The following MYO1D variants were observed in gnomAD, a reference collection of about 807,000 sequenced individuals.
MYO1D encodes the protein unconventional myosin-Id.
MYO1D carries 83 observed loss-of-function variants against 122.0 expected under a neutral mutation model. That is an observed-to-expected ratio of 0.68 (90% confidence interval 0.57 to 0.82). The LOEUF (loss-of-function observed/expected upper bound fraction) is 0.82, where lower values mean the gene tolerates loss of function less well. Among genes scored for constraint, MYO1D ranks in the 40% least tolerant of loss-of-function variants. The pLI is 0.00. For synonymous variants in MYO1D, 464 were observed against 446.9 expected, an observed-to-expected ratio of 1.04 and a Z score of -0.48; for missense variants, 1,157 against 1,269.5, an observed-to-expected ratio of 0.91 and a Z score of 1.35.
chr17:32,729,173 A>C (rs925509921), intron 14 of MYO1D, among the ~76,000 whole-genome samples: 4 of 151,166 alleles, frequency 2.6e-5, no homozygotes, highest in African/African-American at 9.9e-5. Context: ...TATATATTTT[A>C]CGGGAAAAAA....
chr17:32,687,153 T>C (rs2089025931), intron 16 of MYO1D, among the ~76,000 whole-genome samples: 1 of 151,458 alleles, frequency 6.6e-6, no homozygotes, highest in Non-Finnish European at 1.5e-5. Flanking sequence ...CCCAGCCTCC[T>C]GAGTAGCTAG....
rs147048194 is a variant in MYO1D at position 32,849,087 on chromosome 17, G to C, written c.95+27691C>G. 3.2e-3 allele frequency among the ~76,000 whole-genome samples: 491 copies of C among 152,208 alleles called. 3 individuals carry two copies. Among genetic ancestry groups the C allele is most frequent in the Non-Finnish European group, 5.0e-3 (343 of 68,008 alleles). On this transcript the variant is annotated intron_variant, in intron 1 of 21. Transcript: ENST00000318217. The stretch of plus-strand genomic sequence containing the variant: ...AAATGCTCATCATCACTGGCCATCA[G>C]AGAAATGCAAATCAAAACCACTATG...
intron 1 of MYO1D, among the ~76,000 whole-genome samples, chr17:32,876,381 G>A (rs1015621523): frequency 1.3e-5 from 2 of 152,178 alleles, no homozygotes; most frequent in African/African-American, 4.8e-5. Flanking sequence ...AGGGCCTTCG[G>A]GGCCACCGCA....
At chr17:32,588,980 A>C (rs147388941) in intron 21 of MYO1D, among the ~76,000 whole-genome samples, 435 of 145,990 alleles carry the variant, frequency 3.0e-3, no homozygotes, top group South Asian at 0.011. Flanking sequence ...CAAAAAAAAA[A>C]CCCACAAAAA....
chr17:32,587,512 CAA>C (rs576200395), intron 21 of MYO1D, among the ~76,000 whole-genome samples: 80 of 104,200 alleles, frequency 7.7e-4, no homozygotes, highest in South Asian at 2.5e-3. Context: ...AACTCCGTTT[CAA>C]AAAAAAAAAA....
intron 1 of MYO1D, among the ~76,000 whole-genome samples, chr17:32,818,268 T>C (rs553088875): frequency 3.3e-5 from 5 of 152,204 alleles, no homozygotes; most frequent in Middle Eastern, 3.4e-3. Context: ...AAACAAGTCT[T>C]AGTGATGCTT....
At chr17:32,637,899 G>C (rs1435517176) in intron 20 of MYO1D, among the ~76,000 whole-genome samples, 1 of 152,048 alleles carries the variant, frequency 6.6e-6, no homozygotes, top group Non-Finnish European at 1.5e-5. Flanking sequence ...CCCTGACTTA[G>C]CAAAATAAAA....
At chr17:32,735,122 A>ACG (rs1555535380) in intron 14 of MYO1D, among the ~76,000 whole-genome samples, 5 of 148,952 alleles carry the variant, frequency 3.4e-5, no homozygotes, top group Admixed American at 1.3e-4. Context: ...ACACACACAC[A>ACG]CGAACCCAAA....
At chr17:32,790,820 T>C (rs2090343096) in intron 1 of MYO1D, among the ~76,000 whole-genome samples, 1 of 152,098 alleles carries the variant, frequency 6.6e-6, no homozygotes, top group African/African-American at 2.4e-5. Context: ...ACACACACAT[T>C]TCCTAACTCT....
chr17:32,697,912 A>T (rs145853590), intron 16 of MYO1D, among the ~76,000 whole-genome samples: 2 of 152,346 alleles, frequency 1.3e-5, no homozygotes, highest in Admixed American at 6.5e-5. Context: ...TAGTTTTTCA[A>T]ACTTTTCAAT....
intron 21 of MYO1D, among the ~76,000 whole-genome samples, chr17:32,546,783 T>C (rs915445865): frequency 6.6e-6 from 1 of 152,172 alleles, no homozygotes; most frequent in African/African-American, 2.4e-5. Context: ...GTACTGCAAA[T>C]CAGTAATGCC....
At chr17:32,755,388 A>G (rs1194997525) in intron 11 of MYO1D, 104 bp downstream of exon 11, 3 of 1,210,246 alleles carry the variant, frequency 2.5e-6, no homozygotes, top group Non-Finnish European at 3.5e-6. Context: ...CTTTCTTATT[A>G]AAGGGGACAT....
chr17:32,701,491 A>G (rs759701096), intron 16 of MYO1D, among the ~76,000 whole-genome samples: 3 of 152,332 alleles, frequency 2.0e-5, no homozygotes, highest in Middle Eastern at 3.4e-3. Context: ...AAGCATCTTG[A>G]TATCTGTTGA....
At chr17:32,874,300 GTCTC>G (rs1023899905) in intron 1 of MYO1D, among the ~76,000 whole-genome samples, 2 of 37,538 alleles carry the variant, frequency 5.3e-5, no homozygotes, top group Non-Finnish European at 9.9e-5. Flanking sequence ...ATCTGTCTCT[GTCTC>G]TCTCTCTCTC....
chr17:32,508,138 G>A (rs972422615), intron 21 of MYO1D, among the ~76,000 whole-genome samples: 5 of 151,370 alleles, frequency 3.3e-5, no homozygotes, highest in African/African-American at 1.2e-4. Context: ...CTCATAATCT[G>A]CCCGCCTTGG....
At chr17:32,553,922 T>C (rs943821851) in intron 21 of MYO1D, among the ~76,000 whole-genome samples, 2 of 152,164 alleles carry the variant, frequency 1.3e-5, no homozygotes, top group Non-Finnish European at 2.9e-5. Context: ...CTGAACTATA[T>C]CCTTTTAAAA....
chr17:32,753,380 C>T (rs2089917256), intron 11 of MYO1D, among the ~76,000 whole-genome samples: 1 of 152,014 alleles, frequency 6.6e-6, no homozygotes, highest in Non-Finnish European at 1.5e-5. Context: ...GTACACCTCC[C>T]AGATCTAAAA....
chr17:32,806,866 C>A (rs141238975), intron 1 of MYO1D, among the ~76,000 whole-genome samples: 88 of 152,270 alleles, frequency 5.8e-4, no homozygotes, highest in South Asian at 4.4e-3. Flanking sequence ...CCAGCATATT[C>A]AGGAAAGGAG....
At chr17:32,794,550 T>C (rs979379362) in intron 1 of MYO1D, among the ~76,000 whole-genome samples, 8 of 151,962 alleles carry the variant, frequency 5.3e-5, no homozygotes, top group Admixed American at 1.3e-4. Flanking sequence ...GTTCCAAGCA[T>C]TGTGCTGGGA....
Sources: allele counts gnomAD v4.1 joint callset (sites outside exome capture counted in the v4.1 genomes callset), GRCh38; gene constraint gnomAD v4.1.1; transcripts MANE v1.5; gene names NCBI Gene and HGNC (gene_info 2026-07-23, HGNC 2026-07-21).